The following OR2T11 variants were observed in gnomAD, a reference collection of about 807,000 sequenced individuals.
OR2T11 encodes olfactory receptor family 2 subfamily T member 11, also known as olfactory receptor 2T11.
OR2T11 carries 14 observed loss-of-function variants against 13.5 expected under a neutral mutation model. The ratio of observed to expected loss-of-function variants is 1.04; its 90% confidence interval spans 0.69 to 1.62. OR2T11 has a LOEUF of 1.62. OR2T11 is among the 40% of genes most tolerant of loss of function. OR2T11 has a pLI of 0.00. For synonymous variants in OR2T11, 163 were observed against 154.6 expected (o/e 1.05, Z -0.40); for missense variants, 410 against 389.7 (o/e 1.05, Z -0.44).
rs1168111246 is a variant in OR2T11, at chr1:248,630,719, T to C, written c.-144-3447A>G. 1.4e-5 allele frequency among the ~76,000 whole-genome samples: 2 copies of C among 144,138 alleles called. 1 individual carries two copies. Among genetic ancestry groups the C allele is most frequent in the African/African-American group, 5.4e-5 (2 of 36,722 alleles). The allele number at this position is 144,138 out of a possible 152,430, so 94.6% of individuals were successfully genotyped here. A position where few individuals can be genotyped will look rare whatever the true frequency, so the allele number is the denominator to read the frequency against. Reference sequence around the variant, plus strand: ...CTACTTAAATTGAACGACACTGTAATAGACTTAGTGTTAAATATAACCACA... The same window carrying C: ...CTACTTAAATTGAACGACACTGTAACAGACTTAGTGTTAAATATAACCACA... On this transcript the variant is annotated intron_variant, in intron 1 of 1. Transcript: ENST00000641193.
chr1:248,633,340 C>G (rs777645796), intron 1 of OR2T11, among the ~76,000 whole-genome samples: 2 of 142,856 alleles, frequency 1.4e-5, no homozygotes, highest in Non-Finnish European at 3.0e-5. Flanking sequence ...ATATTTTCAA[C>G]CTATATAATC....
Position 248,632,161 on chromosome 1 carries a change from AATTC to A in OR2T11, c.-145+2873_-145+2876del, listed in dbSNP as rs745974373. 2.0e-3 allele frequency among the ~76,000 whole-genome samples: 287 copies of A among 144,446 alleles called. 55 individuals are homozygous for A. The highest frequency in any genetic ancestry group is 7.5e-3 in the African/African-American group (279 of 37,072). 94.8% of individuals were successfully genotyped at this position (144,446 alleles called of 152,430 possible). A position where few individuals can be genotyped will look rare whatever the true frequency, so the allele number is the denominator to read the frequency against. On this transcript the variant is annotated intron_variant, in intron 1 of 1. Transcript: ENST00000641193. Reference sequence around the variant, plus strand: ...GAATCTTAAAATTACATGAAAAACAAATTCATTTCAAAAGAAAAATTACAGAAGT... The same window carrying A: ...GAATCTTAAAATTACATGAAAAACAAATTTCAAAAGAAAAATTACAGAAGT...
rs1660510959 is a variant in OR2T11 at position 248,626,062 on chromosome 1, G to A, written c.*116C>T. ...CGAGGAGCAAGAATCCAGACAGGGTGAATCATCTTAACTGCCAGTAGTAAG... is the reference window on the plus strand; with the variant it reads ...CGAGGAGCAAGAATCCAGACAGGGTAAATCATCTTAACTGCCAGTAGTAAG... On this transcript the variant is annotated 3_prime_UTR_variant, in exon 2 of 2. Coordinates refer to ENST00000641193, the MANE Select transcript of OR2T11 (RefSeq NM_001001964.2). 4.8e-6 allele frequency: 3 copies of A among 620,396 alleles called. No homozygotes were observed. Among genetic ancestry groups the A allele is most frequent in the South Asian group, 2.0e-5 (1 of 49,172 alleles). 38.4% of individuals were successfully genotyped at this position (620,396 alleles called of 1,614,324 possible).
rs188241584 is a variant in OR2T11, at chr1:248,627,874, G to A, written c.-144-602C>T. On this transcript the variant is annotated intron_variant, in intron 1 of 1. Transcript: ENST00000641193. ...ATGTCTAAAGTTGGGACTCCTCACT[G>A]TTCTTTGTGCTGTTTTGCTAACCTT... Among the ~76,000 whole-genome samples the A allele has an allele frequency of 8.4e-5, 12 of 143,470 alleles. 2 individuals carry two copies. Among genetic ancestry groups the A allele is most frequent in the African/African-American group, 3.0e-4 (11 of 36,446 alleles). The allele number at this position is 143,470 out of a possible 152,430, so 94.1% of individuals were successfully genotyped here.
In OR2T11 at chr1:248,632,246, C is replaced by G. The variant is rs569667913; in HGVS notation, c.-145+2792G>C. ...ATTGAAATGGTACTAGTGATCCTATCAATGATTTATGAAACAATGAGTTAA... is the reference window on the plus strand; with the variant it reads ...ATTGAAATGGTACTAGTGATCCTATGAATGATTTATGAAACAATGAGTTAA... On this transcript the variant is annotated intron_variant, in intron 1 of 1. Transcript: ENST00000641193. Among the ~76,000 whole-genome samples the G allele has an allele frequency of 1.4e-5, 2 of 143,528 alleles. 1 individual carries two copies. The highest frequency in any genetic ancestry group is 4.0e-4 in the East Asian group (2 of 4,978). The allele number at this position is 143,528 out of a possible 152,430, so 94.2% of individuals were successfully genotyped here.
Position 248,634,243 on chromosome 1 carries a change from A to G in OR2T11, c.-145+795T>C, listed in dbSNP as rs1173350171. Among the ~76,000 whole-genome samples, 3 of 12,858 alleles carry G rather than the reference A, an allele frequency of 2.3e-4. 1 individual carries two copies. The highest frequency in any genetic ancestry group is 2.8e-4 in the African/African-American group (3 of 10,658). 8.4% of individuals were successfully genotyped at this position (12,858 alleles called of 152,430 possible). A position where few individuals can be genotyped will look rare whatever the true frequency, so the allele number is the denominator to read the frequency against. ...TTTTAAGTGCTTGCGATGCCTAACAATTCTTGTTTTTAGGTATGTGATGAT... is the reference window on the plus strand; with the variant it reads ...TTTTAAGTGCTTGCGATGCCTAACAGTTCTTGTTTTTAGGTATGTGATGAT... On this transcript the variant is annotated intron_variant, in intron 1 of 1. Coordinates refer to ENST00000641193, the MANE Select transcript of OR2T11 (RefSeq NM_001001964.2).
intron 1 of OR2T11, among the ~76,000 whole-genome samples, chr1:248,632,276 T>C: frequency 7.0e-6 from 1 of 143,700 alleles, no homozygotes; most frequent in Non-Finnish European, 1.5e-5. Context: ...AGTTAAATTA[T>C]GATAATTTTT....
intron 1 of OR2T11, among the ~76,000 whole-genome samples, chr1:248,634,240 A>T (rs1450903648): frequency 7.7e-5 from 1 of 12,914 alleles, no homozygotes; most frequent in East Asian, 0.5. Flanking sequence ...GCGATGCCTA[A>T]CAATTCTTGT....
At position 248,624,969 on chromosome 1, in the gene OR2T11, A is replaced by AC. The variant is rs1182942363; in HGVS notation, c.*1208dup. The AC allele has an allele frequency of 1.4e-5, 2 of 143,298 alleles. 1 individual carries two copies. Among genetic ancestry groups the AC allele is most frequent in the African/African-American group, 5.5e-5 (2 of 36,332 alleles). 8.9% of individuals were successfully genotyped at this position (143,298 alleles called of 1,614,324 possible). ...TCAAACTCCTGAGCTCAAGCAATCCACCCTCCTTGGTCTCCACTAAAGTGC... is the reference window on the plus strand; with the variant it reads ...TCAAACTCCTGAGCTCAAGCAATCCACCCCTCCTTGGTCTCCACTAAAGTGC... On this transcript the variant is annotated 3_prime_UTR_variant, in exon 2 of 2. Coordinates refer to ENST00000641193, the MANE Select transcript of OR2T11 (RefSeq NM_001001964.2).
In OR2T11 at chr1:248,634,666, TA is replaced by T. The variant is rs1406369744; in HGVS notation, c.-145+371del. Among the ~76,000 whole-genome samples the T allele has an allele frequency of 2.2e-5, 3 of 138,776 alleles. No individual in the cohort carries two copies. In the East Asian group the frequency reaches 6.3e-4, roughly 29 times the overall value. 91.0% of individuals were successfully genotyped at this position (138,776 alleles called of 152,430 possible). On this transcript the variant is annotated intron_variant, in intron 1 of 1. Transcript: ENST00000641193. ...TTGCTTTATGTATGGAACTTCTTTG[TA>T]GAGTCAGGACCTGACGTTTCAGTCA...
At chr1:248,628,932 A>G (rs1031660252) in intron 1 of OR2T11, among the ~76,000 whole-genome samples, 1 of 143,202 alleles carries the variant, frequency 7.0e-6, no homozygotes, top group African/African-American at 2.8e-5. Flanking sequence ...TTTCCCAAGG[A>G]TAGTGAACAC....
At chr1:248,630,450 C>T (rs1175758419) in intron 1 of OR2T11, among the ~76,000 whole-genome samples, 1 of 141,138 alleles carries the variant, frequency 7.1e-6, no homozygotes, top group Non-Finnish European at 1.5e-5. Context: ...GGACTTGCCA[C>T]TTCTTCTGTC....
chr1:248,634,223 AGTG>A lies in OR2T11; in HGVS notation c.-145+812_-145+814del. On this transcript the variant is annotated intron_variant, in intron 1 of 1. Coordinates refer to ENST00000641193, the MANE Select transcript of OR2T11 (RefSeq NM_001001964.2). Reference sequence around the variant, plus strand: ...AAATTCTATGTTAGGAAAAGTTTTAAGTGCTTGCGATGCCTAACAATTCTTGTT... The same window carrying A: ...AAATTCTATGTTAGGAAAAGTTTTAACTTGCGATGCCTAACAATTCTTGTT... Among the ~76,000 whole-genome samples, 3 of 93,882 alleles carry A rather than the reference AGTG, an allele frequency of 3.2e-5. No individual in the cohort carries two copies. In the East Asian group the frequency reaches 9.2e-4, roughly 29 times the overall value. The allele number at this position is 93,882 out of a possible 152,430, so 61.6% of individuals were successfully genotyped here. A position where few individuals can be genotyped will look rare whatever the true frequency, so the allele number is the denominator to read the frequency against.
chr1:248,630,457 T>C (rs1212092194), intron 1 of OR2T11, among the ~76,000 whole-genome samples: 1 of 141,044 alleles, frequency 7.1e-6, no homozygotes, highest in Non-Finnish European at 1.5e-5. Flanking sequence ...CCACTTCTTC[T>C]GTCTTCTGAA....
intron 1 of OR2T11, among the ~76,000 whole-genome samples, chr1:248,628,790 C>A (rs1320112037): frequency 1.4e-5 from 2 of 142,546 alleles, no homozygotes; most frequent in Non-Finnish European, 3.0e-5. Context: ...TTGATATATT[C>A]ATATTACTGT....
rs1280986296 is a variant in OR2T11, at chr1:248,634,382, C to CA, written c.-145+655dup. Among the ~76,000 whole-genome samples the CA allele has an allele frequency of 2.6e-3, 361 of 141,352 alleles. 70 individuals carry two copies. Among genetic ancestry groups the CA allele is most frequent in the African/African-American group, 9.9e-3 (349 of 35,224 alleles). The allele number at this position is 141,352 out of a possible 152,430, so 92.7% of individuals were successfully genotyped here. A position where few individuals can be genotyped will look rare whatever the true frequency, so the allele number is the denominator to read the frequency against. ...TATATTCTTAGCTAGTTGTATAAACCAAAGGAATGTAGTCAAAGCAAACCA... is the reference window on the plus strand; with the variant it reads ...TATATTCTTAGCTAGTTGTATAAACCAAAAGGAATGTAGTCAAAGCAAACCA... On this transcript the variant is annotated intron_variant, in intron 1 of 1. Coordinates refer to ENST00000641193, the MANE Select transcript of OR2T11 (RefSeq NM_001001964.2).
At chr1:248,631,100 G>A (rs1185512167) in intron 1 of OR2T11, among the ~76,000 whole-genome samples, 1 of 143,096 alleles carries the variant, frequency 7.0e-6, no homozygotes, top group Admixed American at 6.8e-5. Context: ...AAAGTAGGTA[G>A]CCTTCCCAAC....
chr1:248,630,583 A>G (rs1354154979), intron 1 of OR2T11, among the ~76,000 whole-genome samples: 1 of 144,218 alleles, frequency 6.9e-6, no homozygotes, highest in Non-Finnish European at 1.5e-5. Context: ...TAATCTAGTT[A>G]GAATTCACCT....
At position 248,626,219 on chromosome 1, in the gene OR2T11, A is replaced by G; in HGVS notation, c.910T>C (p.Cys304Arg). Reference protein sequence around the residue: ...VIGAFKKVFACCSSAQKVATS... With the variant: ...VIGAFKKVFARCSSAQKVATS... ...GCTACTTTCTGAGCAGATGAGCAAC[A>G]TGCAAATACCTTTTTAAATGCCCCT... The change falls in exon 2 of 2, where the codon TGT (cysteine) becomes CGT (arginine). Residue 304 changes from cysteine to arginine, a missense_variant. Physicochemically the swap from Cys to Arg is radical, Grantham distance 180. Transcript: ENST00000641193. 5 of 1,562,484 alleles carry G rather than the reference A, an allele frequency of 3.2e-6. 1 individual carries two copies. The highest frequency in any genetic ancestry group is 4.4e-6 in the Non-Finnish European group (5 of 1,146,734).
Sources: gnomAD v4.1 joint callset for allele counts (sites outside exome capture counted in the v4.1 genomes callset) on GRCh38, gnomAD v4.1.1 for gene constraint, MANE v1.5 for transcripts, NCBI Gene and HGNC (gene_info 2026-07-23, HGNC 2026-07-21) for gene names.